Variants in WIPI2 observed in about 807,000 individuals in gnomAD.
The protein encoded by WIPI2 is WD repeat domain phosphoinositide-interacting protein 2.
WIPI2 carries 28 observed loss-of-function variants against 52.3 expected under a neutral mutation model. The observed-to-expected ratio is 0.54, with a 90% CI of 0.40 to 0.73. The LOEUF (loss-of-function observed/expected upper bound fraction) is 0.73. WIPI2 is among the 30% of genes least tolerant of loss of function. The pLI, the probability that WIPI2 is intolerant of heterozygous loss-of-function variation, is 0.00. For synonymous variants in WIPI2, 268 were observed against 245.0 expected, an observed-to-expected ratio of 1.09 and a Z score of -0.88; for missense variants, 506 against 602.9, an observed-to-expected ratio of 0.84 and a Z score of 1.68.
rs988391784 is a variant in WIPI2 at position 5,231,799 on chromosome 7, A to T, written c.*852A>T. On this transcript the variant is annotated 3_prime_UTR_variant, in exon 13 of 13. Coordinates refer to ENST00000288828, the MANE Select transcript of WIPI2 (RefSeq NM_015610.4). ...TTGTAGCTCCTCCCATGCCCAGGAA[A>T]GCACAGAACTCAAGTGTGGTGGCCG... 5.4e-6 allele frequency: 1 copy of T among 185,130 alleles called. No homozygotes were observed. Among genetic ancestry groups the T allele is most frequent in the African/African-American group, 2.3e-5 (1 of 42,632 alleles). 11.5% of individuals were successfully genotyped at this position (185,130 alleles called of 1,614,324 possible). A position where few individuals can be genotyped will look rare whatever the true frequency, so the allele number is the denominator to read the frequency against.
rs560602894 is a variant in WIPI2, at chr7:5,227,044, C to T, written c.849-136C>T. ...TGGGGCCCTGAGTGTCTGCTTATAA[C>T]CAACCCTGTTTAATTTTCCTGTGAA... On this transcript the variant is annotated intron_variant, in intron 9 of 12. Coordinates refer to ENST00000288828, the MANE Select transcript of WIPI2 (RefSeq NM_015610.4). The surrounding 1 kb of genome is among the most constrained non-coding windows in gnomAD (Gnocchi z 8.1). The T allele has an allele frequency of 1.0e-5, 13 of 1,271,842 alleles. No homozygotes were observed. The African/African-American group carries it at 1.5e-4, about 15-fold the overall frequency. The allele number at this position is 1,271,842 out of a possible 1,614,324, so 78.8% of individuals were successfully genotyped here.
intron 7 of WIPI2, 151 bp downstream of exon 7, chr7:5,218,165 T>C: frequency 2.7e-6 from 2 of 728,048 alleles, no homozygotes; most frequent in Admixed American, 4.9e-5. Context: ...GCCACAGGCG[T>C]GTACTGCCCG....
intron 3 of WIPI2, among the ~76,000 whole-genome samples, chr7:5,204,972 G>A (rs949117865): frequency 6.6e-6 from 1 of 152,092 alleles, no homozygotes; most frequent in African/African-American, 2.4e-5. Context: ...CAACATGCCC[G>A]GCCTATTAGT....
chr7:5,191,552 T>A (rs971689243), intron 1 of WIPI2, among the ~76,000 whole-genome samples: 5 of 152,102 alleles, frequency 3.3e-5, no homozygotes, highest in African/African-American at 1.2e-4. Context: ...TGATACGGGT[T>A]GGATGCTGCC....
intron 3 of WIPI2, among the ~76,000 whole-genome samples, chr7:5,203,110 A>G (rs982190911): frequency 2.6e-5 from 4 of 152,074 alleles, no homozygotes; most frequent in East Asian, 1.9e-4. Context: ...TCTTTTATCA[A>G]CCTTCCTGCT....
chr7:5,225,306 A>G (rs979093068), intron 8 of WIPI2, among the ~76,000 whole-genome samples: 20 of 152,002 alleles, frequency 1.3e-4, no homozygotes, highest in African/African-American at 4.1e-4. Flanking sequence ...ACGCCCAGCT[A>G]ATTTTTGTAA....
In WIPI2 at chr7:5,227,460, A is replaced by G. The variant is rs767681417; in HGVS notation, c.1013+116A>G. ...GAACAGGAGCAGCTTCTTAGAGCCG[A>G]CACTCCATCGAGAGTTGTCGGGGAT... On this transcript the variant is annotated intron_variant, in intron 10 of 12. Transcript: ENST00000288828. This position sits in a 1 kb window ranked among gnomAD's most constrained non-coding sequence, Gnocchi z 8.1. 1.5e-4 allele frequency: 206 copies of G among 1,393,546 alleles called. No homozygotes were observed. Among genetic ancestry groups the G allele is most frequent in the Middle Eastern group, 2.5e-4 (1 of 3,966 alleles). 86.3% of individuals were successfully genotyped at this position (1,393,546 alleles called of 1,614,324 possible). A position where few individuals can be genotyped will look rare whatever the true frequency, so the allele number is the denominator to read the frequency against.
chr7:5,191,604 T>G (rs1781488135), intron 1 of WIPI2, among the ~76,000 whole-genome samples: 1 of 152,030 alleles, frequency 6.6e-6, no homozygotes. Flanking sequence ...ATGAGCGAGC[T>G]TTCTGGAGAG....
At chr7:5,210,334 TC>T (rs1782493690) in intron 3 of WIPI2, among the ~76,000 whole-genome samples, 1 of 152,256 alleles carries the variant, frequency 6.6e-6, no homozygotes, top group Admixed American at 6.5e-5. Context: ...AGCTCCTCGT[TC>T]CCAGACTCAG....
chr7:5,219,636 CTTAA>C (rs1259768784), intron 7 of WIPI2, among the ~76,000 whole-genome samples: 1 of 152,188 alleles, frequency 6.6e-6, no homozygotes, highest in African/African-American at 2.4e-5. Flanking sequence ...CAAAACAACT[CTTAA>C]TTAATTAGTA....
At chr7:5,212,683 A>C (rs1307590799) in intron 3 of WIPI2, among the ~76,000 whole-genome samples, 4 of 152,076 alleles carry the variant, frequency 2.6e-5, no homozygotes, top group Admixed American at 2.6e-4. Context: ...ACGCCCAGCT[A>C]ATTTTTGTAT....
intron 6 of WIPI2, 66 bp from the exon 7 acceptor site, chr7:5,217,856 G>A (rs1363220855): frequency 6.5e-7 from 1 of 1,538,812 alleles, no homozygotes; most frequent in Non-Finnish European, 9.0e-7. Context: ...TGCGGACCAA[G>A]TGTCAGCCCT....
chr7:5,218,041 A>C (rs1184809441), intron 7 of WIPI2, 27 bp downstream of exon 7: 1 of 1,612,032 alleles, frequency 6.2e-7, no homozygotes, highest in East Asian at 2.2e-5. Context: ...CCGGGGGAGC[A>C]CTGGTGCCAA....
At chr7:5,221,957 T>TTA (rs1554254910) in intron 7 of WIPI2, among the ~76,000 whole-genome samples, 1 of 100,754 alleles carries the variant, frequency 9.9e-6, no homozygotes, top group East Asian at 4.1e-4. Flanking sequence ...TTTTATTTTT[T>TTA]TTTTTTTTCC....
intron 3 of WIPI2, among the ~76,000 whole-genome samples, chr7:5,201,590 A>G (rs1409460617): frequency 6.6e-6 from 1 of 152,168 alleles, no homozygotes; most frequent in Middle Eastern, 3.2e-3. Context: ...CTAAAAATAC[A>G]AAAAAATTAG....
Position 5,212,803 on chromosome 7 carries a change from G to A in WIPI2, c.212-1732G>A, listed in dbSNP as rs560907958. ...AAAGTGCGGGGATTACAGGTGCGAA[G>A]CACCGCATCTGGCCCCAGCCCTCTT... On this transcript the variant is annotated intron_variant, in intron 3 of 12. Coordinates refer to ENST00000288828, the MANE Select transcript of WIPI2 (RefSeq NM_015610.4). Among the ~76,000 whole-genome samples the A allele has an allele frequency of 9.2e-5, 14 of 152,338 alleles. No homozygotes were observed. In the South Asian group the frequency reaches 2.7e-3, roughly 29 times the overall value.
chr7:5,203,004 C>T (rs907599804), intron 3 of WIPI2, among the ~76,000 whole-genome samples: 3 of 152,124 alleles, frequency 2.0e-5, no homozygotes, highest in African/African-American at 4.8e-5. Context: ...ATAAACATTC[C>T]GTTCTGAAAC....
intron 3 of WIPI2, among the ~76,000 whole-genome samples, chr7:5,204,615 C>G (rs947673218): frequency 6.6e-6 from 1 of 152,030 alleles, no homozygotes. Flanking sequence ...AAGATCTAGT[C>G]AGATTTGGTC....
chr7:5,216,708 G>A (rs755209190), intron 5 of WIPI2, 49 bp downstream of exon 5: 1 of 1,570,568 alleles, frequency 6.4e-7, no homozygotes, highest in Admixed American at 1.7e-5. Context: ...TTTTGCCCTT[G>A]AAAGATAGCT....
Sources: gnomAD v4.1 joint callset for allele counts (sites outside exome capture counted in the v4.1 genomes callset) on GRCh38, gnomAD v4.1.1 for gene constraint, Gnocchi (gnomAD v3.1) non-coding constraint, MANE v1.5 for transcripts, NCBI Gene and HGNC (gene_info 2026-07-23, HGNC 2026-07-21) for gene names.